The following HIRA variants were observed in gnomAD, a reference collection of about 807,000 sequenced individuals.
HIRA encodes histone cell cycle regulator.
Under a neutral mutation model 126.6 loss-of-function variants are expected in HIRA, and 13 were observed. The ratio of observed to expected loss-of-function variants is 0.10; its 90% CI spans 0.07 to 0.16. HIRA has a LOEUF of 0.16. Ranked by LOEUF, HIRA falls within the 10% of genes least tolerant of loss-of-function variation. The pLI, the probability that HIRA is intolerant of heterozygous loss-of-function variation, is 1.00. For synonymous variants in HIRA, 511 were observed against 520.0 expected (o/e 0.98, Z 0.24); for missense variants, 834 against 1,314.4 (o/e 0.63, Z 5.65).
At chr22:19,359,224 G>A (rs1326883879) in intron 18 of HIRA, 112 bp downstream of exon 18, 1 of 1,139,416 alleles carries the variant, frequency 8.8e-7, no homozygotes, top group Admixed American at 3.1e-5. Flanking sequence ...GTGAGTCTCT[G>A]TGGGAGCTGG....
chr22:19,342,827 C>T lies in HIRA; in HGVS notation c.2937+8531G>A, dbSNP rs974526001. On this transcript the variant is annotated intron_variant, in intron 24 of 24. Transcript: ENST00000263208. ...TTTATAGCAGCACCATTTGCAACTG[C>T]AAAAATACGGAACCAGTCTAAATGC... Among the ~76,000 whole-genome samples the T allele has an allele frequency of 5.3e-5, 8 of 152,220 alleles. No individual in the cohort carries two copies. The South Asian group carries it at 1.7e-3, about 32-fold the overall frequency.
intron 7 of HIRA, among the ~76,000 whole-genome samples, chr22:19,395,854 G>A (rs1237337638): frequency 1.3e-5 from 2 of 152,166 alleles, no homozygotes; most frequent in African/African-American, 4.8e-5. Context: ...CTATACAGTA[G>A]ACACTTAATA....
chr22:19,339,347 GAA>G (rs1264123754), intron 24 of HIRA, among the ~76,000 whole-genome samples: 38 of 152,054 alleles, frequency 2.5e-4, no homozygotes, highest in African/African-American at 9.2e-4. Context: ...CAAAAAGTAT[GAA>G]AGAGGCCAAG....
chr22:19,354,180 C>A, intron 21 of HIRA, 62 bp from the exon 22 acceptor site: 1 of 1,543,602 alleles, frequency 6.5e-7, no homozygotes, highest in Non-Finnish European at 8.7e-7. Flanking sequence ...GGCCTCTTTG[C>A]CAACCAGAGA....
chr22:19,410,382 G>A (rs924738546), intron 2 of HIRA, among the ~76,000 whole-genome samples: 2 of 152,150 alleles, frequency 1.3e-5, no homozygotes, highest in Non-Finnish European at 2.9e-5. Context: ...TGCTGACAGA[G>A]CCCTTGTCTC....
chr22:19,387,553 A>C (rs1053637487), intron 11 of HIRA, among the ~76,000 whole-genome samples, 158 bp downstream of exon 11: 2 of 152,218 alleles, frequency 1.3e-5, no homozygotes, highest in African/African-American at 4.8e-5. Context: ...TATTTTGTAA[A>C]GAAGGATTAC....
chr22:19,363,224 T>C (rs1353473293), intron 15 of HIRA, among the ~76,000 whole-genome samples: 3 of 150,060 alleles, frequency 2.0e-5, no homozygotes, highest in Non-Finnish European at 4.4e-5. Flanking sequence ...CAAAGTGAGA[T>C]TCCGTCTCAA....
chr22:19,367,364 T>G (rs1381639699), intron 15 of HIRA, among the ~76,000 whole-genome samples: 2 of 102,880 alleles, frequency 1.9e-5, no homozygotes, highest in East Asian at 6.0e-4. Context: ...GCTTCCAATG[T>G]ACCATTTTTT....
Position 19,359,737 on chromosome 22 carries a change from C to CAGAGA in HIRA, c.2086-258_2086-254dup, listed in dbSNP as rs2088846762. Among the ~76,000 whole-genome samples, 3 of 152,322 alleles carry CAGAGA rather than the reference C, an allele frequency of 2.0e-5. No homozygotes were observed. The Middle Eastern group carries it at 0.01, about 518-fold the overall frequency. The stretch of plus-strand genomic sequence containing the variant: ...CCTGTCATTTGTGTAGTTGAACAGC[C>CAGAGA]AGAGAAGAGAAGCAGTGCCAGGGTT... On this transcript the variant is annotated intron_variant, in intron 17 of 24. Coordinates refer to ENST00000263208, the MANE Select transcript of HIRA (RefSeq NM_003325.4).
intron 18 of HIRA, 93 bp downstream of exon 18, chr22:19,359,243 G>GAGCACCTAGAGGGGAGCACCTAGA: frequency 1.5e-6 from 2 of 1,334,808 alleles, no homozygotes; most frequent in Non-Finnish European, 2.0e-6. Flanking sequence ...GGTGCTCCCA[G>GAGCACCTAGAGGGGAGCACCTAGA]GGTCATGCAC....
intron 11 of HIRA, 125 bp downstream of exon 11, chr22:19,387,586 C>T (rs181252804): frequency 1.6e-5 from 10 of 637,954 alleles, no homozygotes; most frequent in Non-Finnish European, 2.5e-5. Flanking sequence ...ATGAATACCC[C>T]ATTACATGTT....
At chr22:19,345,842 C>A (rs2146179070) in intron 24 of HIRA, among the ~76,000 whole-genome samples, 1 of 152,254 alleles carries the variant, frequency 6.6e-6, no homozygotes, top group Non-Finnish European at 1.5e-5. Context: ...CTTAGTGCCC[C>A]AACCTTCTGC....
At chr22:19,368,299 G>A (rs887293568) in intron 15 of HIRA, among the ~76,000 whole-genome samples, 3 of 152,132 alleles carry the variant, frequency 2.0e-5, no homozygotes, top group Admixed American at 6.5e-5. Context: ...GGCCCATGAC[G>A]CTGCTCTGTG....
intron 20 of HIRA, 105 bp downstream of exon 20, chr22:19,356,125 C>G (rs2088809646): frequency 2.7e-6 from 3 of 1,099,058 alleles, no homozygotes; most frequent in Admixed American, 3.5e-5. Flanking sequence ...CACTGAGAGC[C>G]CTGGGCTGAG....
intron 21 of HIRA, among the ~76,000 whole-genome samples, chr22:19,354,354 G>A (rs952693916): frequency 2.0e-5 from 3 of 152,276 alleles, no homozygotes; most frequent in African/African-American, 7.2e-5. Context: ...AGTGAAGGCT[G>A]TGGATAGGGC....
intron 12 of HIRA, 37 bp downstream of exon 12, chr22:19,385,484 T>C (rs765700705): frequency 6.3e-7 from 1 of 1,586,336 alleles, no homozygotes; most frequent in East Asian, 2.2e-5. Flanking sequence ...CCTGGGCATA[T>C]GTCCATGTCT....
chr22:19,377,501 T>G (rs2089030297), intron 14 of HIRA, among the ~76,000 whole-genome samples: 1 of 152,160 alleles, frequency 6.6e-6, no homozygotes, highest in African/African-American at 2.4e-5. Flanking sequence ...ATGAATGCTG[T>G]GTGATGTGCT....
In HIRA at chr22:19,431,590, C is replaced by G; in HGVS notation, c.-114G>C. The G allele has an allele frequency of 1.1e-6, 1 of 928,290 alleles. No individual in the cohort carries two copies. The highest frequency in any genetic ancestry group is 1.3e-6 in the Non-Finnish European group (1 of 779,378). 57.5% of individuals were successfully genotyped at this position (928,290 alleles called of 1,614,324 possible). On this transcript the variant is annotated 5_prime_UTR_variant, in exon 1 of 25. Transcript: ENST00000263208. ...GCGCCACCCGCCCTCCGGCCGCCGC[C>G]CGCCCCGCGCCCTCAGGGCCGCCGC...
chr22:19,343,890 G>GAA (rs1324989028), intron 24 of HIRA, among the ~76,000 whole-genome samples: 4 of 147,966 alleles, frequency 2.7e-5, no homozygotes, highest in African/African-American at 1.0e-4. Flanking sequence ...AAAAAAAAGA[G>GAA]AGAGAGAGAG....
Sources: allele counts gnomAD v4.1 joint callset (sites outside exome capture counted in the v4.1 genomes callset), GRCh38; gene constraint gnomAD v4.1.1; transcripts MANE v1.5; gene names NCBI Gene and HGNC (gene_info 2026-07-23, HGNC 2026-07-21).